Variants in SLC17A4 observed in about 807,000 individuals in gnomAD.
SLC17A4 encodes solute carrier family 17 member 4.
In SLC17A4, 33 loss-of-function variants were observed where a neutral mutation model predicts 52.5. The ratio of observed to expected loss-of-function variants is 0.63; its 90% CI spans 0.48 to 0.84. The LOEUF is 0.84. SLC17A4 is among the 40% of genes least tolerant of loss of function. SLC17A4 has a pLI of 0.00. For synonymous variants in SLC17A4, 225 were observed against 216.2 expected, an observed-to-expected ratio of 1.04 and a Z score of -0.36; for missense variants, 585 against 597.1, an observed-to-expected ratio of 0.98 and a Z score of 0.21.
intron 8 of SLC17A4, among the ~76,000 whole-genome samples, chr6:25,774,649 T>C (rs1184898924): frequency 3.9e-5 from 6 of 152,216 alleles, no homozygotes; most frequent in African/African-American, 1.4e-4. Flanking sequence ...ACAGACTTCC[T>C]GAGGCTGGCT....
rs374642639 is a variant in SLC17A4, at chr6:25,779,354, G to A, written c.*166G>A. On this transcript the variant is annotated 3_prime_UTR_variant, in exon 12 of 12. Coordinates refer to ENST00000377905, the MANE Select transcript of SLC17A4 (RefSeq NM_005495.3). Reference sequence around the variant, plus strand: ...GAAATTTTACAGGGGAAGAAAACACGCTAGTTATTTAACTGCAAGCTACTA... The same window carrying A: ...GAAATTTTACAGGGGAAGAAAACACACTAGTTATTTAACTGCAAGCTACTA... 10 of 860,058 alleles carry A rather than the reference G, an allele frequency of 1.2e-5. No homozygotes were observed. Among genetic ancestry groups the A allele is most frequent in the East Asian group, 8.3e-5 (3 of 36,092 alleles). The allele number at this position is 860,058 out of a possible 1,614,324, so 53.3% of individuals were successfully genotyped here.
At chr6:25,769,328 G>C in intron 3 of SLC17A4, 138 bp downstream of exon 3, 1 of 819,136 alleles carries the variant, frequency 1.2e-6, no homozygotes. Flanking sequence ...AAGTACCTAA[G>C]TATCAGGCCG....
intron 10 of SLC17A4, 111 bp downstream of exon 10, chr6:25,777,070 T>C: frequency 8.5e-7 from 1 of 1,174,884 alleles, no homozygotes; most frequent in Non-Finnish European, 1.2e-6. Flanking sequence ...TTGCAGGAAA[T>C]GTCAGCACCA....
intron 1 of SLC17A4, among the ~76,000 whole-genome samples, chr6:25,757,429 G>T (rs1582639668): frequency 6.6e-6 from 1 of 152,186 alleles, no homozygotes; most frequent in South Asian, 2.1e-4. Context: ...ATCATTGTCA[G>T]TAGTAATAGA....
At position 25,771,018 on chromosome 6, in the gene SLC17A4, T is replaced by A. The variant is rs889714666; in HGVS notation, c.706+6T>A. ...TTACGTCTTCTATATCTTTGGTGAG[T>A]GTGCTTTTCAAATCTCCAATTTTTA... On this transcript the variant is annotated splice_donor_region_variant and intron_variant, in intron 6 of 11. Transcript: ENST00000377905. The A allele has an allele frequency of 1.1e-5, 17 of 1,611,782 alleles. No homozygotes were observed. Among genetic ancestry groups the A allele is most frequent in the Non-Finnish European group, 1.4e-5 (16 of 1,178,094 alleles).
chr6:25,770,040 CA>C, intron 3 of SLC17A4, 26 bp from the exon 4 acceptor site: 1 of 1,600,358 alleles, frequency 6.2e-7, no homozygotes, highest in Non-Finnish European at 8.6e-7. Flanking sequence ...CAACTAAAGA[CA>C]AACAGTAACT....
chr6:25,777,075 G>A (rs1327554291), intron 10 of SLC17A4, 116 bp downstream of exon 10: 6 of 1,116,114 alleles, frequency 5.4e-6, no homozygotes, highest in Non-Finnish European at 7.7e-6. Context: ...GGAAATGTCA[G>A]CACCAGCTCT....
rs1023154428 is a variant in SLC17A4, at chr6:25,769,993, G to A, written c.298-74G>A. The A allele has an allele frequency of 5.5e-6, 7 of 1,284,056 alleles. No homozygotes were observed. In the African/African-American group the frequency reaches 7.4e-5, roughly 14 times the overall value. 79.5% of individuals were successfully genotyped at this position (1,284,056 alleles called of 1,614,324 possible). A position where few individuals can be genotyped will look rare whatever the true frequency, so the allele number is the denominator to read the frequency against. On this transcript the variant is annotated intron_variant, in intron 3 of 11. Coordinates refer to ENST00000377905, the MANE Select transcript of SLC17A4 (RefSeq NM_005495.3). The stretch of plus-strand genomic sequence containing the variant: ...GAAAGATAACTGCCAATTAATTTTT[G>A]CCTCTCAAGTCCTCACAATGAAAAC...
chr6:25,757,791 C>T (rs1761151234), intron 1 of SLC17A4, among the ~76,000 whole-genome samples: 1 of 152,134 alleles, frequency 6.6e-6, no homozygotes, highest in Non-Finnish European at 1.5e-5. Context: ...ATGCTGAATC[C>T]TTTATTGTAC....
At chr6:25,755,404 TAAG>T (rs1760930817) in intron 1 of SLC17A4, among the ~76,000 whole-genome samples, 1 of 152,146 alleles carries the variant, frequency 6.6e-6, no homozygotes, top group African/African-American at 2.4e-5. Flanking sequence ...CTGTTTCTCA[TAAG>T]GAGGAAAAAT....
rs144232109 is a variant in SLC17A4 at position 25,770,277 on chromosome 6, C to T, written c.508C>T (p.Arg170Trp). 1.4e-4 allele frequency: 227 copies of T among 1,614,062 alleles called. No homozygotes were observed. Among genetic ancestry groups the T allele is most frequent in the African/African-American group, 3.5e-4 (26 of 75,016 alleles). Residue 170 changes from arginine (R) to tryptophan (W), a missense_variant, in exon 4 of 12, where the codon CGG becomes TGG. Physicochemically the swap from Arg to Trp is moderately radical, Grantham distance 101. Coordinates refer to ENST00000377905, the MANE Select transcript of SLC17A4 (RefSeq NM_005495.3). ...GGGAGTGGCCTTGCTCATTGTCCTC[C>T]GGATTGTACAAGGCATAGCCCAGGT... Reference protein sequence around the residue: ...NAGVALLIVLRIVQGIAQVMV... With the variant: ...NAGVALLIVLWIVQGIAQVMV...
intron 2 of SLC17A4, among the ~76,000 whole-genome samples, chr6:25,765,491 C>T (rs1026967946): frequency 1.3e-5 from 2 of 152,134 alleles, no homozygotes; most frequent in Non-Finnish European, 2.9e-5. Context: ...GCTGTGCTTA[C>T]GTTATTACGG....
chr6:25,778,048 A>ATATTCATAG, intron 11 of SLC17A4, 32 bp downstream of exon 11: 1 of 1,567,914 alleles, frequency 6.4e-7, no homozygotes, highest in South Asian at 1.1e-5. Flanking sequence ...AATATTCATA[A>ATATTCATAG]AAGAAACCTA....
chr6:25,776,541 G>A (rs1007700692), intron 8 of SLC17A4, 54 bp from the exon 9 acceptor site: 4 of 1,544,386 alleles, frequency 2.6e-6, no homozygotes, highest in African/African-American at 2.7e-5. Context: ...GGTTGTCTGT[G>A]TCGTGGTGGG....
chr6:25,762,339 C>G (rs1465071028), intron 2 of SLC17A4, among the ~76,000 whole-genome samples: 1 of 151,948 alleles, frequency 6.6e-6, no homozygotes, highest in African/African-American at 2.4e-5. Flanking sequence ...ATATAGAAAC[C>G]AACCTTGGCT....
chr6:25,767,558 T>C (rs1246750858), intron 2 of SLC17A4, among the ~76,000 whole-genome samples: 4 of 152,166 alleles, frequency 2.6e-5, no homozygotes, highest in Admixed American at 6.5e-5. Flanking sequence ...GATTCTAGGA[T>C]TAAAATACAT....
chr6:25,768,361 GT>G (rs1035450294), intron 2 of SLC17A4: 1 of 985,554 alleles, frequency 1.0e-6, no homozygotes, highest in African/African-American at 1.7e-5. Flanking sequence ...TCTTCCCGCT[GT>G]TGTCAAACTA....
chr6:25,773,965 C>T (rs1762694347), intron 8 of SLC17A4, among the ~76,000 whole-genome samples: 3 of 151,804 alleles, frequency 2.0e-5, no homozygotes, highest in East Asian at 1.9e-4. Flanking sequence ...TTTTAAGGGC[C>T]CTGTGCAAAA....
At chr6:25,770,534 CA>C in intron 5 of SLC17A4, 63 bp downstream of exon 5, 1 of 1,425,780 alleles carries the variant, frequency 7.0e-7, no homozygotes, top group Admixed American at 1.7e-5. Flanking sequence ...AAAGTCCTGC[CA>C]ACAGAACCAA....
Sources: allele counts gnomAD v4.1 joint callset (sites outside exome capture counted in the v4.1 genomes callset), GRCh38; gene constraint gnomAD v4.1.1; transcripts MANE v1.5; gene names NCBI Gene and HGNC (gene_info 2026-07-23, HGNC 2026-07-21).